The following SNX29 variants were observed in gnomAD, a reference collection of about 807,000 sequenced individuals.
SNX29 encodes the protein sorting nexin 29.
In SNX29, 78 loss-of-function variants were observed where a neutral mutation model predicts 102.1. The observed-to-expected ratio is 0.76, with a 90% confidence interval of 0.64 to 0.92. SNX29 has a LOEUF of 0.92. Among genes scored for constraint, SNX29 ranks in the 40% least tolerant of loss-of-function variants. The probability of loss-of-function intolerance (pLI) is 0.00; values close to 1 mark genes in which losing one functional copy is unlikely to be tolerated. For synonymous variants in SNX29, 580 were observed against 414.5 expected (o/e 1.40, Z -4.85); for missense variants, 1,280 against 1,061.7 (o/e 1.21, Z -2.86).
chr16:12,437,622 C>T (rs1321653265), intron 18 of SNX29, among the ~76,000 whole-genome samples: 1 of 152,172 alleles, frequency 6.6e-6, no homozygotes, highest in African/African-American at 2.4e-5. Context: ...CCCCTCTTGA[C>T]CCTGGCTCCT....
At chr16:12,502,810 C>T (rs190344493) in intron 19 of SNX29, among the ~76,000 whole-genome samples, 6 of 152,290 alleles carry the variant, frequency 3.9e-5, no homozygotes, top group Admixed American at 3.3e-4. Context: ...CAGGTATTTT[C>T]GTATCACATT....
chr16:12,535,782 A>G (rs2077059286), intron 20 of SNX29, among the ~76,000 whole-genome samples: 2 of 151,772 alleles, frequency 1.3e-5, no homozygotes, highest in Admixed American at 1.3e-4. Context: ...AGGTCCTCAG[A>G]GTATAGAGGC....
chr16:12,556,025 G>A (rs557769558), intron 20 of SNX29, among the ~76,000 whole-genome samples: 1 of 152,098 alleles, frequency 6.6e-6, no homozygotes, highest in Non-Finnish European at 1.5e-5. Flanking sequence ...CTCATGCCAT[G>A]CCACCGTAGT....
intron 15 of SNX29, among the ~76,000 whole-genome samples, chr16:12,325,133 C>G (rs1474059752): frequency 6.6e-6 from 1 of 152,178 alleles, no homozygotes; most frequent in Admixed American, 6.5e-5. Flanking sequence ...TGTATCCCAT[C>G]TCTACTTCTG....
At chr16:12,099,786 G>GGGTGCTAGCCCACCTCCCTCTGT (rs1323797248) in intron 11 of SNX29, among the ~76,000 whole-genome samples, 1 of 152,114 alleles carries the variant, frequency 6.6e-6, no homozygotes, top group African/African-American at 2.4e-5. Flanking sequence ...TATGTTCCTG[G>GGGTGCTAGCCCACCTCCCTCTGT]GGTGCTAGCC....
Position 12,570,313 on chromosome 16 carries a change from C to CTG in SNX29, c.*1686_*1687dup, listed in dbSNP as rs1482026113. 1.0e-6 allele frequency: 1 copy of CTG among 992,472 alleles called. No homozygotes were observed. The highest frequency in any genetic ancestry group is 1.7e-5 in the African/African-American group (1 of 59,612). 61.5% of individuals were successfully genotyped at this position (992,472 alleles called of 1,614,324 possible). On this transcript the variant is annotated 3_prime_UTR_variant, in exon 21 of 21. Transcript: ENST00000566228. ...GCGAGTGTGGAGGACCCGAGACATC[C>CTG]TGTAAAGGCAACTTGGTCTCCCTCC...
rs368208192 is a variant in SNX29 at position 12,172,792 on chromosome 16, G to GGT, written c.1596-26808_1596-26807dup. ...GGACATGGGCACTGAGATTCAAAGA[G>GGT]GTAAAGTAATGGATGTGAAGTGGCA... On this transcript the variant is annotated intron_variant, in intron 13 of 20. Coordinates refer to ENST00000566228, the MANE Select transcript of SNX29 (RefSeq NM_032167.5). Among the ~76,000 whole-genome samples, 89 of 152,300 alleles carry GGT rather than the reference G, an allele frequency of 5.8e-4. 1 individual carries two copies. The highest frequency in any genetic ancestry group is 1.1e-3 in the Non-Finnish European group (75 of 68,018).
intron 13 of SNX29, among the ~76,000 whole-genome samples, chr16:12,168,635 A>C (rs2076072384): frequency 6.6e-6 from 1 of 152,132 alleles, no homozygotes; most frequent in Admixed American, 6.5e-5. Context: ...GAGCCAGCCT[A>C]CTGTACATTC....
intron 14 of SNX29, among the ~76,000 whole-genome samples, chr16:12,221,362 C>G (rs1443552562): frequency 2.6e-5 from 4 of 152,208 alleles, no homozygotes; most frequent in African/African-American, 7.2e-5. Flanking sequence ...GCCCCGTAAT[C>G]CCAGCACTTC....
In SNX29 at chr16:12,571,541, G is replaced by A. The variant is rs2079187749; in HGVS notation, c.*2912G>A. 1 of 926,202 alleles carries A rather than the reference G, an allele frequency of 1.1e-6. No individual in the cohort carries two copies. The highest frequency in any genetic ancestry group is 1.3e-6 in the Non-Finnish European group (1 of 753,022). 57.4% of individuals were successfully genotyped at this position (926,202 alleles called of 1,614,324 possible). ...TGGATTCCTGGGACCACCCTTTGCT[G>A]GGAGGAAGAATCCACACCGAATCCT... On this transcript the variant is annotated 3_prime_UTR_variant, in exon 21 of 21. Coordinates refer to ENST00000566228, the MANE Select transcript of SNX29 (RefSeq NM_032167.5).
chr16:12,399,018 T>G (rs2083833752), intron 17 of SNX29, among the ~76,000 whole-genome samples: 1 of 152,188 alleles, frequency 6.6e-6, no homozygotes, highest in South Asian at 2.1e-4. Flanking sequence ...ATTTGGCACC[T>G]CTGCTGAGCC....
intron 20 of SNX29, among the ~76,000 whole-genome samples, chr16:12,536,537 T>C (rs1319740485): frequency 4.6e-5 from 7 of 152,156 alleles, no homozygotes; most frequent in Non-Finnish European, 1.0e-4. Flanking sequence ...CTCTGTAAAA[T>C]GGGACTAATT....
chr16:12,141,237 A>G (rs1364407436), intron 13 of SNX29, among the ~76,000 whole-genome samples: 2 of 152,232 alleles, frequency 1.3e-5, no homozygotes, highest in African/African-American at 2.4e-5. Flanking sequence ...GTTTCCGCCT[A>G]CATGAATGGC....
chr16:12,466,856 G>C (rs2087076541), intron 18 of SNX29, among the ~76,000 whole-genome samples: 1 of 152,216 alleles, frequency 6.6e-6, no homozygotes, highest in Admixed American at 6.5e-5. Context: ...ATAAAGTGGA[G>C]ACTGTTCCAT....
chr16:12,279,278 T>A (rs2079355128), intron 15 of SNX29, among the ~76,000 whole-genome samples: 1 of 152,206 alleles, frequency 6.6e-6, no homozygotes, highest in African/African-American at 2.4e-5. Flanking sequence ...TGGAGGGTGT[T>A]CCCCTAAGTT....
chr16:12,195,716 T>G (rs533582254), intron 13 of SNX29, among the ~76,000 whole-genome samples: 1 of 152,314 alleles, frequency 6.6e-6, no homozygotes, highest in African/African-American at 2.4e-5. Context: ...TATAATGTAA[T>G]AGGAGACTTT....
At position 12,398,410 on chromosome 16, in the gene SNX29, A is replaced by AT. The variant is rs576718663; in HGVS notation, c.1900-30dup. The AT allele has an allele frequency of 8.1e-6, 13 of 1,611,756 alleles. No individual in the cohort carries two copies. In the South Asian group the frequency reaches 8.8e-5, roughly 11 times the overall value. On this transcript the variant is annotated intron_variant, in intron 16 of 20. Coordinates refer to ENST00000566228, the MANE Select transcript of SNX29 (RefSeq NM_032167.5). ...ATGCAAACCATGGTAACCATTATGCATTTTTTCTCCCCTCTCCCCCTTCTC... is the reference window on the plus strand; with the variant it reads ...ATGCAAACCATGGTAACCATTATGCATTTTTTTCTCCCCTCTCCCCCTTCTC...
intron 11 of SNX29, among the ~76,000 whole-genome samples, chr16:12,121,845 C>T (rs2141349364): frequency 6.6e-6 from 1 of 152,282 alleles, no homozygotes; most frequent in Non-Finnish European, 1.5e-5. Context: ...TGTTGCCAGG[C>T]TGGAATGCAG....
Position 12,570,184 on chromosome 16 carries a change from C to CA in SNX29, c.*1556dup. On this transcript the variant is annotated 3_prime_UTR_variant, in exon 21 of 21. Coordinates refer to ENST00000566228, the MANE Select transcript of SNX29 (RefSeq NM_032167.5). ...CCCCCCCACCCCAGAGAAACCGAGT[C>CA]AGCCTACATGACTTCCAAGGGGACC... 1 of 1,065,380 alleles carries CA rather than the reference C, an allele frequency of 9.4e-7. No individual in the cohort carries two copies. The allele number at this position is 1,065,380 out of a possible 1,614,324, so 66.0% of individuals were successfully genotyped here. A position where few individuals can be genotyped will look rare whatever the true frequency, so the allele number is the denominator to read the frequency against.
Sources: allele counts gnomAD v4.1 joint callset (sites outside exome capture counted in the v4.1 genomes callset), GRCh38; gene constraint gnomAD v4.1.1; transcripts MANE v1.5; gene names NCBI Gene and HGNC (gene_info 2026-07-23, HGNC 2026-07-21).